Variants in ZBTB37 observed in about 807,000 individuals in gnomAD.
ZBTB37 encodes zinc finger and BTB domain-containing protein 37.
A neutral mutation model predicts 37.7 loss-of-function variants in ZBTB37; 15 were observed. The observed-to-expected ratio is 0.40, with a 90% CI of 0.27 to 0.61. ZBTB37 has a LOEUF of 0.61. Among genes scored for constraint, ZBTB37 ranks in the 20% least tolerant of loss-of-function variants. ZBTB37 has a pLI of 0.44. For synonymous variants in ZBTB37, 231 were observed against 220.6 expected (o/e 1.05, Z -0.42); for missense variants, 514 against 641.9 (o/e 0.80, Z 2.15).
chr1:173,881,175 A>G (rs1164851931), intron 4 of ZBTB37, among the ~76,000 whole-genome samples: 4 of 151,194 alleles, frequency 2.6e-5, no homozygotes, highest in East Asian at 1.9e-4. Context: ...TCATTGTTCA[A>G]TTCCCACCTA....
At chr1:173,879,219 G>A (rs1656160178) in intron 4 of ZBTB37, among the ~76,000 whole-genome samples, 1 of 152,090 alleles carries the variant, frequency 6.6e-6, no homozygotes, top group East Asian at 1.9e-4. Flanking sequence ...AATCCATCCA[G>A]AATCCAGCAG....
chr1:173,894,951 C>T (rs919673955), exon 4 of ZBTB37: 1 of 152,010 alleles, frequency 6.6e-6, no homozygotes, highest in South Asian at 2.1e-4. Context: ...CATTTGCTGC[C>T]CTCTCCCTCC....
chr1:173,875,010 A>C (rs1005747538), intron 4 of ZBTB37, among the ~76,000 whole-genome samples: 4 of 152,038 alleles, frequency 2.6e-5, no homozygotes, highest in African/African-American at 9.7e-5. Flanking sequence ...TTTCCTGATT[A>C]TAATAACCAC....
chr1:173,881,118 C>G (rs35482254), intron 4 of ZBTB37, among the ~76,000 whole-genome samples: 1 of 151,610 alleles, frequency 6.6e-6, no homozygotes, highest in Non-Finnish European at 1.5e-5. Context: ...TCCCACCCCA[C>G]GACAGGCCCC....
At chr1:173,872,878 G>A (rs992960882) in intron 3 of ZBTB37, among the ~76,000 whole-genome samples, 32 of 151,794 alleles carry the variant, frequency 2.1e-4, no homozygotes, top group Admixed American at 1.5e-3. Context: ...GTGGTGGCAC[G>A]CACCTGTAGT....
At chr1:173,893,466 A>G (rs974554188) in exon 4 of ZBTB37, 6 of 152,368 alleles carry the variant, frequency 3.9e-5, no homozygotes, top group African/African-American at 1.2e-4. Context: ...GACATAGTTT[A>G]GACATGATGT....
chr1:173,870,565 A>G (rs1655477668), exon 3 of ZBTB37: 3 of 1,614,226 alleles, frequency 1.9e-6, no homozygotes, highest in South Asian at 2.2e-5. Context: ...AATGCAGCAT[A>G]TTATAGACAA....
chr1:173,875,386 T>G (rs899458429), intron 4 of ZBTB37, among the ~76,000 whole-genome samples: 1 of 150,278 alleles, frequency 6.7e-6, no homozygotes, highest in Admixed American at 6.7e-5. Flanking sequence ...AGTGCAGTGG[T>G]GTGATCTCGG....
chr1:173,874,417 CT>C (rs1421562188), intron 4 of ZBTB37, among the ~76,000 whole-genome samples: 1 of 150,748 alleles, frequency 6.6e-6, no homozygotes, highest in Non-Finnish European at 1.5e-5. Context: ...GTGGTGCAAT[CT>C]CGGCTCACTG....
exon 4 of ZBTB37, chr1:173,893,824 A>G (rs1266258699): frequency 6.6e-6 from 1 of 152,256 alleles, no homozygotes; most frequent in Non-Finnish European, 1.5e-5. Flanking sequence ...GGCTAACACT[A>G]GAGTTGCCTC....
intron 4 of ZBTB37, among the ~76,000 whole-genome samples, chr1:173,881,323 A>G (rs1656292235): frequency 6.6e-6 from 1 of 152,172 alleles, no homozygotes; most frequent in Non-Finnish European, 1.5e-5. Flanking sequence ...CATGGTGTAT[A>G]TGTGCCACAT....
chr1:173,879,795 TA>T (rs1295209588), intron 4 of ZBTB37, among the ~76,000 whole-genome samples: 3 of 151,948 alleles, frequency 2.0e-5, no homozygotes, highest in African/African-American at 7.3e-5. Flanking sequence ...CTACTAAATA[TA>T]AAACATTAGC....
At chr1:173,875,294 TTTTA>T (rs1320633502) in intron 4 of ZBTB37, among the ~76,000 whole-genome samples, 3 of 150,552 alleles carry the variant, frequency 2.0e-5, no homozygotes, top group Non-Finnish European at 4.4e-5. Context: ...ATTTGTAGCA[TTTTA>T]TTTATATATA....
exon 3 of ZBTB37, chr1:173,871,003 C>G: frequency 6.2e-7 from 1 of 1,614,202 alleles, no homozygotes; most frequent in Non-Finnish European, 8.5e-7. Flanking sequence ...TGAGAATCAG[C>G]CTTCTGGAGA....
chr1:173,873,521 T>C (rs1052528422), exon 4 of ZBTB37: 1 of 1,613,822 alleles, frequency 6.2e-7, no homozygotes, highest in Admixed American at 1.7e-5. Context: ...GAGCCAGAAG[T>C]GAGTCTCCTG....
chr1:173,883,385 A>G (rs1218888672), intron 4 of ZBTB37, among the ~76,000 whole-genome samples: 1 of 152,210 alleles, frequency 6.6e-6, no homozygotes. Flanking sequence ...AGGCTGAGGC[A>G]GGAGAATTGC....
chr1:173,868,501 C>T (rs1433808756), intron 1 of ZBTB37, 96 bp downstream of exon 1: 3 of 153,458 alleles, frequency 2.0e-5, no homozygotes, highest in African/African-American at 7.2e-5. Flanking sequence ...CAGCGCGCTC[C>T]TGGGGCGCTC....
chr1:173,884,536 A>G (rs1360999509), intron 4 of ZBTB37, among the ~76,000 whole-genome samples: 1 of 152,186 alleles, frequency 6.6e-6, no homozygotes, highest in East Asian at 1.9e-4. Context: ...AAAGAAACCC[A>G]TGCCCTCAGA....
chr1:173,875,533 G>T (rs1296033212), intron 4 of ZBTB37, among the ~76,000 whole-genome samples: 1 of 151,662 alleles, frequency 6.6e-6, no homozygotes, highest in Non-Finnish European at 1.5e-5. Context: ...CACCATGTGG[G>T]CCAGGCTGGT....
Sources: gnomAD v4.1 joint callset for allele counts (sites outside exome capture counted in the v4.1 genomes callset) on GRCh38, gnomAD v4.1.1 for gene constraint, MANE v1.5 for transcripts, NCBI Gene and HGNC (gene_info 2026-07-23, HGNC 2026-07-21) for gene names.